Variants in BMPR1B observed in about 807,000 individuals in gnomAD.
BMPR1B encodes bone morphogenetic protein receptor type 1B, also known as bone morphogenetic protein receptor type-1B.
A neutral mutation model predicts 59.1 loss-of-function variants in BMPR1B; 12 were observed. The ratio of observed to expected loss-of-function variants is 0.20; its 90% CI spans 0.13 to 0.33. BMPR1B has a LOEUF of 0.33. Among genes scored for constraint, BMPR1B ranks in the 10% least tolerant of loss-of-function variants. BMPR1B has a pLI of 1.00. For synonymous variants in BMPR1B, 237 were observed against 207.3 expected (o/e 1.14, Z -1.23); for missense variants, 550 against 610.9 (o/e 0.90, Z 1.05).
At chr4:95,000,857 T>A (rs1722396673) in intron 3 of BMPR1B, among the ~76,000 whole-genome samples, 1 of 152,156 alleles carries the variant, frequency 6.6e-6, no homozygotes, top group East Asian at 1.9e-4. Flanking sequence ...TTTATTATTG[T>A]TAGAAGTTTT....
intron 3 of BMPR1B, among the ~76,000 whole-genome samples, chr4:95,036,313 TCTAA>T (rs755355246): frequency 2.0e-5 from 3 of 152,262 alleles, no homozygotes; most frequent in African/African-American, 7.2e-5. Context: ...TTAATTTCTC[TCTAA>T]CTGTTTTTTT....
chr4:95,113,703 A>T (rs1419927806), intron 4 of BMPR1B, among the ~76,000 whole-genome samples: 1 of 152,116 alleles, frequency 6.6e-6, no homozygotes, highest in Non-Finnish European at 1.5e-5. Context: ...CTGTTTACAA[A>T]CAGTTCTGTA....
intron 2 of BMPR1B, among the ~76,000 whole-genome samples, chr4:94,982,252 A>G (rs894177170): frequency 1.3e-5 from 2 of 152,198 alleles, no homozygotes; most frequent in African/African-American, 4.8e-5. Flanking sequence ...TGTTATTCTT[A>G]AAGAGAATTT....
chr4:94,879,833 A>G (rs1726886450), intron 2 of BMPR1B, among the ~76,000 whole-genome samples: 1 of 152,202 alleles, frequency 6.6e-6, no homozygotes, highest in Non-Finnish European at 1.5e-5. Flanking sequence ...GTGAAAAATC[A>G]GTTTTTAATA....
chr4:94,823,646 T>A (rs1473082770), intron 1 of BMPR1B, among the ~76,000 whole-genome samples: 1 of 152,218 alleles, frequency 6.6e-6, no homozygotes, highest in Non-Finnish European at 1.5e-5. Context: ...ATACATATAT[T>A]TACCAGGGCT....
At chr4:94,961,943 C>G (rs936287539) in intron 2 of BMPR1B, among the ~76,000 whole-genome samples, 1 of 152,022 alleles carries the variant, frequency 6.6e-6, no homozygotes, top group African/African-American at 2.4e-5. Flanking sequence ...GTGTTAGAAA[C>G]ATTTCAATTT....
rs1735451035 is a variant in BMPR1B at position 95,156,725 on chromosome 4, G to A, written c.*2052G>A. ...CAAGTAGAACTGTAATCAGAACGCTGCTTCAATTGATATTAAAAATAACCT... is the reference window on the plus strand; with the variant it reads ...CAAGTAGAACTGTAATCAGAACGCTACTTCAATTGATATTAAAAATAACCT... On this transcript the variant is annotated 3_prime_UTR_variant, in exon 13 of 13. Transcript: ENST00000515059. 6.6e-6 allele frequency: 1 copy of A among 152,034 alleles called. No homozygotes were observed. Among genetic ancestry groups the A allele is most frequent in the Non-Finnish European group, 1.5e-5 (1 of 67,982 alleles). The allele number at this position is 152,034 out of a possible 1,614,324, so 9.4% of individuals were successfully genotyped here.
intron 3 of BMPR1B, among the ~76,000 whole-genome samples, chr4:95,017,267 G>A (rs991206739): frequency 1.3e-5 from 2 of 152,214 alleles, no homozygotes; most frequent in Admixed American, 1.3e-4. Flanking sequence ...GGAAGGCCAG[G>A]TTCCAGTGTA....
intron 3 of BMPR1B, among the ~76,000 whole-genome samples, chr4:95,082,634 G>A (rs1729246484): frequency 6.6e-6 from 1 of 152,074 alleles, no homozygotes; most frequent in Admixed American, 6.6e-5. Flanking sequence ...ACTTGCTTAA[G>A]GTCCCAAATA....
chr4:94,937,344 C>G (rs1560556391), intron 2 of BMPR1B, among the ~76,000 whole-genome samples: 1 of 152,282 alleles, frequency 6.6e-6, no homozygotes, highest in South Asian at 2.1e-4. Flanking sequence ...GAATACATCT[C>G]CATTTTGATT....
At chr4:94,994,695 C>CT (rs34949480) in intron 2 of BMPR1B, among the ~76,000 whole-genome samples, 99 of 146,246 alleles carry the variant, frequency 6.8e-4, no homozygotes, top group Admixed American at 8.2e-4. Flanking sequence ...TTATGTGTAA[C>CT]TTTTTTTTTT....
intron 3 of BMPR1B, among the ~76,000 whole-genome samples, chr4:95,101,778 C>A (rs1222917366): frequency 2.6e-5 from 4 of 152,124 alleles, no homozygotes; most frequent in Admixed American, 2.6e-4. Context: ...TTGCAGTGGG[C>A]ACCTGTGGCA....
chr4:94,983,020 G>T (rs1450835055), intron 2 of BMPR1B, among the ~76,000 whole-genome samples: 1 of 150,948 alleles, frequency 6.6e-6, no homozygotes, highest in African/African-American at 2.4e-5. Context: ...AAAAAAAATT[G>T]TCACCTGAAT....
At chr4:94,836,747 A>G (rs1251576088) in intron 1 of BMPR1B, among the ~76,000 whole-genome samples, 2 of 147,012 alleles carry the variant, frequency 1.4e-5, no homozygotes, top group African/African-American at 2.5e-5. Context: ...TGCTGTACAG[A>G]AGCTCTTTAT....
intron 2 of BMPR1B, among the ~76,000 whole-genome samples, chr4:94,878,734 CTTTT>C (rs542970645): frequency 1.6e-5 from 2 of 127,318 alleles, no homozygotes; most frequent in Non-Finnish European, 1.7e-5. Context: ...ACAGGTTCTG[CTTTT>C]TTTTTTTTTT....
chr4:94,892,740 T>C (rs1727448698), intron 2 of BMPR1B, among the ~76,000 whole-genome samples: 1 of 152,082 alleles, frequency 6.6e-6, no homozygotes, highest in South Asian at 2.1e-4. Context: ...AGGTTTCATT[T>C]AACTATCAGC....
intron 10 of BMPR1B, among the ~76,000 whole-genome samples, chr4:95,134,478 C>T (rs1733620838): frequency 6.6e-6 from 1 of 152,188 alleles, no homozygotes; most frequent in Non-Finnish European, 1.5e-5. Context: ...GTTTACAGCC[C>T]CACAAACAGT....
chr4:94,926,125 C>T (rs1490023099), intron 2 of BMPR1B, among the ~76,000 whole-genome samples: 1 of 148,928 alleles, frequency 6.7e-6, no homozygotes, highest in African/African-American at 2.5e-5. Context: ...TCCTCCCTCC[C>T]TGCCTCCCTC....
At chr4:94,916,763 T>A (rs1728498558) in intron 2 of BMPR1B, among the ~76,000 whole-genome samples, 1 of 152,222 alleles carries the variant, frequency 6.6e-6, no homozygotes, top group East Asian at 1.9e-4. Context: ...GGGAGAGAAA[T>A]TTGCATAACA....
Sources: gnomAD v4.1 joint callset for allele counts (sites outside exome capture counted in the v4.1 genomes callset) on GRCh38, gnomAD v4.1.1 for gene constraint, MANE v1.5 for transcripts, NCBI Gene and HGNC (gene_info 2026-07-23, HGNC 2026-07-21) for gene names.